The following EPHB1 variants were observed in gnomAD, a reference collection of about 807,000 sequenced individuals.
The protein encoded by EPHB1 is EPH receptor B1.
A neutral mutation model predicts 94.4 loss-of-function variants in EPHB1; 30 were observed. The ratio of observed to expected loss-of-function variants is 0.32; its 90% CI spans 0.24 to 0.43. The LOEUF (loss-of-function observed/expected upper bound fraction) is 0.43. EPHB1 is among the 20% of genes least tolerant of loss of function. The probability of loss-of-function intolerance (pLI) is 1.00; values close to 1 mark genes in which losing one functional copy is unlikely to be tolerated. For synonymous variants in EPHB1, 522 were observed against 489.1 expected, an observed-to-expected ratio of 1.07 and a Z score of -0.89; for missense variants, 1,055 against 1,308.3, an observed-to-expected ratio of 0.81 and a Z score of 2.99.
chr3:135,134,847 A>G (rs1244141396), intron 5 of EPHB1, among the ~76,000 whole-genome samples: 1 of 152,040 alleles, frequency 6.6e-6, no homozygotes, highest in Non-Finnish European at 1.5e-5. Flanking sequence ...CTCTCTAAGC[A>G]TGTGCGAACA....
At chr3:134,884,939 G>A (rs2037832688) in intron 1 of EPHB1, among the ~76,000 whole-genome samples, 1 of 152,230 alleles carries the variant, frequency 6.6e-6, no homozygotes, top group South Asian at 2.1e-4. Flanking sequence ...CAGTGCCTGA[G>A]CGGAAACATG....
intron 3 of EPHB1, among the ~76,000 whole-genome samples, chr3:135,099,053 T>A (rs1283238877): frequency 6.6e-6 from 1 of 150,850 alleles, no homozygotes; most frequent in Non-Finnish European, 1.5e-5. Flanking sequence ...ATCCACACTT[T>A]GTGTGGGAGT....
chr3:135,120,264 T>C (rs1939896904), intron 4 of EPHB1, among the ~76,000 whole-genome samples: 1 of 152,256 alleles, frequency 6.6e-6, no homozygotes, highest in African/African-American at 2.4e-5. Context: ...TCAAGTCTTC[T>C]TTTACGTTCT....
intron 1 of EPHB1, among the ~76,000 whole-genome samples, chr3:134,909,115 C>CGGG (rs1250648426): frequency 2.2e-4 from 20 of 92,782 alleles, no homozygotes; most frequent in Non-Finnish European, 2.7e-4. Context: ...AAGGTGGGGG[C>CGGG]GGGGGGCGGG....
In EPHB1 at chr3:135,183,026, TTTTCTTTCTTTCTTTCTTTC is replaced by T. The variant is rs373601553; in HGVS notation, c.1882+3078_1882+3097del. ...TTTTCTTTTCTTTTCTTTTCTTTTC[TTTTCTTTCTTTCTTTCTTTC>T]TTTCTTTCTTTCTTTCTTTCTTTCT... On this transcript the variant is annotated intron_variant, in intron 10 of 15. Coordinates refer to ENST00000398015, the MANE Select transcript of EPHB1 (RefSeq NM_004441.5). Among the ~76,000 whole-genome samples the T allele has an allele frequency of 2.1e-3, 199 of 94,658 alleles. 3 individuals are homozygous for T. Among genetic ancestry groups the T allele is most frequent in the Middle Eastern group, 0.012 (2 of 162 alleles). 62.1% of individuals were successfully genotyped at this position (94,658 alleles called of 152,430 possible).
At chr3:135,094,890 C>CAG (rs1938703045) in intron 3 of EPHB1, among the ~76,000 whole-genome samples, 3 of 152,214 alleles carry the variant, frequency 2.0e-5, no homozygotes, top group African/African-American at 7.2e-5. Context: ...TTCCAAAGTC[C>CAG]AGAAGGCTCT....
At chr3:135,155,823 T>A (rs1941336245) in intron 6 of EPHB1, among the ~76,000 whole-genome samples, 1 of 151,016 alleles carries the variant, frequency 6.6e-6, no homozygotes, top group South Asian at 2.1e-4. Flanking sequence ...CTGGAGCTTT[T>A]CCACTGAGTG....
At chr3:135,111,680 T>C (rs1272446629) in intron 4 of EPHB1, among the ~76,000 whole-genome samples, 1 of 152,108 alleles carries the variant, frequency 6.6e-6, no homozygotes, top group Non-Finnish European at 1.5e-5. Flanking sequence ...TTCTATTTCA[T>C]TTTCACTCTT....
intron 3 of EPHB1, among the ~76,000 whole-genome samples, chr3:134,974,744 C>T (rs1002333945): frequency 2.0e-5 from 3 of 152,226 alleles, no homozygotes; most frequent in Non-Finnish European, 4.4e-5. Context: ...TTTCTTTCCT[C>T]TTTGCCCTTT....
At chr3:134,962,633 C>T (rs1281370917) in intron 3 of EPHB1, among the ~76,000 whole-genome samples, 3 of 152,192 alleles carry the variant, frequency 2.0e-5, no homozygotes, top group Non-Finnish European at 4.4e-5. Flanking sequence ...TCAGGGCTTC[C>T]TGCCCTGCCG....
chr3:135,120,308 C>A (rs1164174421), intron 4 of EPHB1, among the ~76,000 whole-genome samples: 2 of 152,100 alleles, frequency 1.3e-5, no homozygotes, highest in African/African-American at 4.8e-5. Context: ...TCACAGAGGT[C>A]TTGTGAGATT....
intron 1 of EPHB1, among the ~76,000 whole-genome samples, chr3:134,890,585 C>A (rs1560283875): frequency 6.6e-6 from 1 of 152,158 alleles, no homozygotes; most frequent in South Asian, 2.1e-4. Flanking sequence ...TTGTTCAGCT[C>A]TCCTATATAG....
chr3:135,053,056 A>ATATATATATAT (rs1937239893), intron 3 of EPHB1, among the ~76,000 whole-genome samples: 2 of 70,050 alleles, frequency 2.9e-5, no homozygotes, highest in African/African-American at 1.3e-4. Flanking sequence ...TATATATATA[A>ATATATATATAT]AGTTGGTGTG....
chr3:135,205,635 A>C (rs942855963), intron 12 of EPHB1, among the ~76,000 whole-genome samples: 4 of 152,194 alleles, frequency 2.6e-5, no homozygotes, highest in Non-Finnish European at 5.9e-5. Context: ...TTTCAAGCAC[A>C]CAGAGAACTT....
intron 15 of EPHB1, among the ~76,000 whole-genome samples, chr3:135,255,436 C>G (rs1933338337): frequency 7.3e-6 from 1 of 136,476 alleles, no homozygotes; most frequent in Admixed American, 7.3e-5. Flanking sequence ...CCGTTGGTTT[C>G]AAAGAACATC....
intron 3 of EPHB1, among the ~76,000 whole-genome samples, chr3:134,953,015 C>T (rs1174452820): frequency 2.0e-5 from 3 of 152,060 alleles, no homozygotes; most frequent in Admixed American, 6.5e-5. Context: ...GGAAGCCTTC[C>T]TATATGGACC....
intron 13 of EPHB1, among the ~76,000 whole-genome samples, chr3:135,248,046 A>T (rs1943970847): frequency 6.6e-6 from 1 of 152,250 alleles, no homozygotes. Flanking sequence ...TTCAACAAAC[A>T]TTTACAGAGG....
chr3:135,214,530 C>T (rs1361599949), intron 12 of EPHB1, among the ~76,000 whole-genome samples: 1 of 152,186 alleles, frequency 6.6e-6, no homozygotes, highest in African/African-American at 2.4e-5. Context: ...GAAGCCAGGC[C>T]TGTCACTCAT....
chr3:134,816,782 C>A (rs1006546464), intron 1 of EPHB1, among the ~76,000 whole-genome samples: 2 of 151,890 alleles, frequency 1.3e-5, no homozygotes, highest in African/African-American at 4.8e-5. Context: ...CTTAGAAAAG[C>A]TGATATTCAG....
Sources: gnomAD v4.1 joint callset for allele counts (sites outside exome capture counted in the v4.1 genomes callset) on GRCh38, gnomAD v4.1.1 for gene constraint, MANE v1.5 for transcripts, NCBI Gene and HGNC (gene_info 2026-07-23, HGNC 2026-07-21) for gene names.